Variants in LDLRAD4 observed in about 807,000 individuals in gnomAD.
The protein encoded by LDLRAD4 is low density lipoprotein receptor class A domain containing 4, also known as low-density lipoprotein receptor class A domain-containing protein 4.
In LDLRAD4, 5 loss-of-function variants were observed where a neutral mutation model predicts 17.0. The ratio of observed to expected loss-of-function variants is 0.29; its 90% CI spans 0.15 to 0.62. The LOEUF (loss-of-function observed/expected upper bound fraction) is 0.62, where lower values mean the gene tolerates loss of function less well. Ranked by LOEUF, LDLRAD4 falls within the 20% of genes least tolerant of loss-of-function variation. The pLI, the probability that LDLRAD4 is intolerant of heterozygous loss-of-function variation, is 0.84. For synonymous variants in LDLRAD4, 168 were observed against 171.8 expected, an observed-to-expected ratio of 0.98 and a Z score of 0.17; for missense variants, 340 against 424.7, an observed-to-expected ratio of 0.80 and a Z score of 1.75.
At chr18:13,468,482 C>T (rs958347284) in intron 3 of LDLRAD4, among the ~76,000 whole-genome samples, 1 of 152,136 alleles carries the variant, frequency 6.6e-6, no homozygotes, top group African/African-American at 2.4e-5. Flanking sequence ...CCATTTGACC[C>T]AGCAATCCCA....
chr18:13,574,976 T>C (rs1462494156), intron 3 of LDLRAD4, among the ~76,000 whole-genome samples: 1 of 152,208 alleles, frequency 6.6e-6, no homozygotes, highest in East Asian at 1.9e-4. Flanking sequence ...CTAACTTTTT[T>C]TCCATCCCTA....
intron 3 of LDLRAD4, among the ~76,000 whole-genome samples, chr18:13,608,926 A>G (rs529397554): frequency 6.6e-6 from 1 of 152,230 alleles, no homozygotes; most frequent in Non-Finnish European, 1.5e-5. Flanking sequence ...TGCTACCAAC[A>G]ACTCTTGTGA....
At chr18:13,559,976 G>A (rs1471458064) in intron 3 of LDLRAD4, among the ~76,000 whole-genome samples, 1 of 152,182 alleles carries the variant, frequency 6.6e-6, no homozygotes, top group Non-Finnish European at 1.5e-5. Context: ...ACAGGGTTGG[G>A]CGTTACTACC....
intron 3 of LDLRAD4, among the ~76,000 whole-genome samples, chr18:13,445,886 A>G (rs961674172): frequency 6.6e-6 from 1 of 151,960 alleles, no homozygotes; most frequent in African/African-American, 2.4e-5. Context: ...AGTCACCACC[A>G]CTCACTGCCT....
chr18:13,386,710 T>C (rs2145201926), intron 1 of LDLRAD4, among the ~76,000 whole-genome samples: 1 of 152,322 alleles, frequency 6.6e-6, no homozygotes, highest in East Asian at 1.9e-4. Context: ...TGCTTTTCCT[T>C]CCTATTCTCA....
rs139349584 is a variant in LDLRAD4, at chr18:13,321,637, G to A, written c.-383+43449G>A. ...TCCCAGCACTTTGGGAGGTCGAGGC[G>A]GGTGGATCACCTGAGATCAGGAGTT... On this transcript the variant is annotated intron_variant, in intron 1 of 5. Transcript: ENST00000359446. Among the ~76,000 whole-genome samples, 70 of 152,090 alleles carry A rather than the reference G, an allele frequency of 4.6e-4. 2 individuals are homozygous for A. The East Asian group carries it at 0.012, about 26-fold the overall frequency.
intron 4 of LDLRAD4, among the ~76,000 whole-genome samples, chr18:13,629,797 G>A (rs28454957): frequency 0.05 from 7,543 of 151,868 alleles, 564 homozygotes; most frequent in African/African-American, 0.17. Context: ...AAGAGAAGAA[G>A]ATTAAAAATT....
intron 3 of LDLRAD4, among the ~76,000 whole-genome samples, chr18:13,534,668 C>CT (rs2094177016): frequency 6.6e-6 from 1 of 152,160 alleles, no homozygotes; most frequent in African/African-American, 2.4e-5. Context: ...TGTGGGACAT[C>CT]TTTTTGTATG....
At chr18:13,463,461 G>T (rs757167598) in intron 3 of LDLRAD4, among the ~76,000 whole-genome samples, 6 of 152,148 alleles carry the variant, frequency 3.9e-5, no homozygotes, top group Non-Finnish European at 8.8e-5. Context: ...TAACACTATA[G>T]CTCCATTCTG....
intron 3 of LDLRAD4, chr18:13,613,909 ATGT>A (rs2039843636): frequency 6.6e-6 from 1 of 152,248 alleles, no homozygotes. Context: ...TGTCATGCAA[ATGT>A]TGTACATAAA....
At chr18:13,303,133 G>A (rs574721337) in intron 1 of LDLRAD4, among the ~76,000 whole-genome samples, 25 of 152,348 alleles carry the variant, frequency 1.6e-4, no homozygotes, top group African/African-American at 5.8e-4. Flanking sequence ...CCGGAGGGCA[G>A]GAGTGCACCC....
intron 2 of LDLRAD4, among the ~76,000 whole-genome samples, chr18:13,410,416 G>A (rs2088228412): frequency 6.6e-6 from 1 of 152,226 alleles, no homozygotes; most frequent in African/African-American, 2.4e-5. Flanking sequence ...ACTGGAGAAG[G>A]TGGGTTAAGG....
chr18:13,523,537 C>T lies in LDLRAD4; in HGVS notation c.181+85153C>T, dbSNP rs566373216. ...ATCCCAGCCTCAGGAGAGCCTGACCCAGGCTGACGGCTCAGTATTGTTCTG... is the reference window on the plus strand; with the variant it reads ...ATCCCAGCCTCAGGAGAGCCTGACCTAGGCTGACGGCTCAGTATTGTTCTG... On this transcript the variant is annotated intron_variant, in intron 3 of 5. Coordinates refer to ENST00000359446, the Ensembl canonical transcript of LDLRAD4. Among the ~76,000 whole-genome samples the T allele has an allele frequency of 9.2e-5, 14 of 152,304 alleles. No individual in the cohort carries two copies. In the South Asian group the frequency reaches 1.7e-3, roughly 18 times the overall value.
intron 3 of LDLRAD4, among the ~76,000 whole-genome samples, chr18:13,478,169 G>T (rs1310790814): frequency 6.6e-6 from 1 of 152,174 alleles, no homozygotes; most frequent in Admixed American, 6.5e-5. Flanking sequence ...CTCTTGACTC[G>T]GGGTTGTCTG....
At chr18:13,529,888 C>T (rs962933504) in intron 3 of LDLRAD4, among the ~76,000 whole-genome samples, 6 of 152,086 alleles carry the variant, frequency 3.9e-5, no homozygotes, top group South Asian at 2.1e-4. Flanking sequence ...GAAGAGGTTC[C>T]GTTTTGAAGC....
At chr18:13,521,452 CA>C (rs1200519407) in intron 3 of LDLRAD4, 3 of 152,098 alleles carry the variant, frequency 2.0e-5, no homozygotes, top group Non-Finnish European at 4.4e-5. Flanking sequence ...CAAAACAAAC[CA>C]GGAGAGTTGA....
intron 1 of LDLRAD4, among the ~76,000 whole-genome samples, chr18:13,321,785 A>G (rs1001871212): frequency 7.0e-6 from 1 of 143,812 alleles, no homozygotes; most frequent in Admixed American, 7.3e-5. Flanking sequence ...TGCTGGAACC[A>G]GGGAGGCAGA....
At chr18:13,470,575 C>T (rs2092741202) in intron 3 of LDLRAD4, among the ~76,000 whole-genome samples, 1 of 147,250 alleles carries the variant, frequency 6.8e-6, no homozygotes, top group Non-Finnish European at 1.5e-5. Context: ...CTAGTATGAG[C>T]TCTAGGCATG....
chr18:13,381,601 C>T (rs566543662), intron 1 of LDLRAD4, among the ~76,000 whole-genome samples: 5 of 152,206 alleles, frequency 3.3e-5, no homozygotes, highest in Non-Finnish European at 5.9e-5. Flanking sequence ...GTAGCACCTC[C>T]TTTTCTTTAC....
Sources: allele counts gnomAD v4.1 joint callset (sites outside exome capture counted in the v4.1 genomes callset), GRCh38; gene constraint gnomAD v4.1.1; transcripts MANE v1.5; gene names NCBI Gene and HGNC (gene_info 2026-07-23, HGNC 2026-07-21).